The following FER1L6 variants were observed in gnomAD, a reference collection of about 807,000 sequenced individuals.
FER1L6 encodes the protein fer-1 like family member 6.
FER1L6 carries 177 observed loss-of-function variants against 219.2 expected under a neutral mutation model. The ratio of observed to expected loss-of-function variants is 0.81; its 90% CI spans 0.71 to 0.91. FER1L6 has a LOEUF of 0.91. Among genes scored for constraint, FER1L6 ranks in the 40% least tolerant of loss-of-function variants. The pLI, the probability that FER1L6 is intolerant of heterozygous loss-of-function variation, is 0.00. For synonymous variants in FER1L6, 768 were observed against 824.3 expected (o/e 0.93, Z 1.17); for missense variants, 2,153 against 2,259.9 (o/e 0.95, Z 0.96).
chr8:123,985,227 T>A (rs2130367295), intron 11 of FER1L6: 1 of 152,284 alleles, frequency 6.6e-6, no homozygotes, highest in African/African-American at 2.4e-5. Flanking sequence ...GAGCATTAGT[T>A]TATTCAGGTA....
At chr8:124,032,729 T>C (rs996816148) in intron 18 of FER1L6, among the ~76,000 whole-genome samples, 1 of 145,802 alleles carries the variant, frequency 6.9e-6, no homozygotes, top group African/African-American at 2.6e-5. Context: ...TGACAGAGCG[T>C]GATTCTATGG....
chr8:123,931,286 G>A (rs2129919488), intron 1 of FER1L6, among the ~76,000 whole-genome samples: 1 of 152,272 alleles, frequency 6.6e-6, no homozygotes, highest in South Asian at 2.1e-4. Context: ...CCCAGCCTGA[G>A]CTTCTTCCAC....
At chr8:123,973,600 G>C in intron 7 of FER1L6, 88 bp downstream of exon 7, 2 of 963,554 alleles carry the variant, frequency 2.1e-6, no homozygotes, top group South Asian at 2.6e-5. Context: ...TCACCTGTGT[G>C]ACCATTCATT....
intron 18 of FER1L6, among the ~76,000 whole-genome samples, chr8:124,030,268 C>A (rs1175101721): frequency 6.6e-6 from 1 of 152,156 alleles, no homozygotes; most frequent in Non-Finnish European, 1.5e-5. Context: ...AAACAAAGTG[C>A]CTCATCTGTA....
intron 1 of FER1L6, among the ~76,000 whole-genome samples, chr8:123,938,975 C>G (rs79669143): frequency 6.6e-6 from 1 of 152,186 alleles, no homozygotes; most frequent in African/African-American, 2.4e-5. Flanking sequence ...GTACACTGTT[C>G]GAGGGTTGCC....
chr8:124,019,018 T>C (rs1471862684), intron 16 of FER1L6, among the ~76,000 whole-genome samples: 2 of 152,236 alleles, frequency 1.3e-5, no homozygotes, highest in African/African-American at 4.8e-5. Context: ...AGTCTTCCTC[T>C]AATCCATCTT....
At chr8:123,933,368 ATATGTGTGTC>A (rs201057043) in intron 1 of FER1L6, among the ~76,000 whole-genome samples, 4,381 of 137,564 alleles carry the variant, frequency 0.032, 101 homozygotes, top group Non-Finnish European at 0.051. Flanking sequence ...CTATCATAGC[ATATGTGTGTC>A]TGTGTGTGTG....
chr8:124,085,669 G>T (rs1190218288), intron 33 of FER1L6, among the ~76,000 whole-genome samples: 1 of 152,182 alleles, frequency 6.6e-6, no homozygotes, highest in African/African-American at 2.4e-5. Context: ...AATGTTCCAT[G>T]TGCTAAGGAG....
At chr8:124,108,997 T>C (rs933990420) in intron 39 of FER1L6, among the ~76,000 whole-genome samples, 4 of 152,192 alleles carry the variant, frequency 2.6e-5, no homozygotes, top group African/African-American at 9.6e-5. Context: ...ATGATGAATT[T>C]TCACAGGAGA....
chr8:123,955,786 CG>C (rs1385385736), intron 1 of FER1L6, among the ~76,000 whole-genome samples: 1 of 152,082 alleles, frequency 6.6e-6, no homozygotes, highest in Non-Finnish European at 1.5e-5. Flanking sequence ...GATTCCAATT[CG>C]GGTGGGATTT....
At chr8:124,022,635 T>C (rs545179981) in intron 17 of FER1L6, among the ~76,000 whole-genome samples, 1 of 152,360 alleles carries the variant, frequency 6.6e-6, no homozygotes, top group East Asian at 1.9e-4. Flanking sequence ...CTTGTAGAAA[T>C]ACTTGCCTAA....
chr8:124,050,677 G>A (rs1019336548), intron 22 of FER1L6, among the ~76,000 whole-genome samples: 1 of 152,048 alleles, frequency 6.6e-6, no homozygotes, highest in Non-Finnish European at 1.5e-5. Context: ...CAGTTCTGGA[G>A]GCTGGGAAGT....
chr8:124,034,669 G>A (rs1819121965), intron 18 of FER1L6, among the ~76,000 whole-genome samples: 1 of 152,252 alleles, frequency 6.6e-6, no homozygotes, highest in Non-Finnish European at 1.5e-5. Flanking sequence ...TGTTTAGCCA[G>A]GAGGAAAGTG....
intron 39 of FER1L6, among the ~76,000 whole-genome samples, chr8:124,116,542 A>T (rs1355796959): frequency 6.6e-6 from 1 of 152,206 alleles, no homozygotes; most frequent in East Asian, 1.9e-4. Flanking sequence ...ATAGCCAAAA[A>T]GGGCATGCAT....
intron 1 of FER1L6, among the ~76,000 whole-genome samples, chr8:123,947,315 G>A (rs1251701874): frequency 6.6e-6 from 1 of 152,028 alleles, no homozygotes; most frequent in Non-Finnish European, 1.5e-5. Context: ...GTGATTTTAA[G>A]AAATGGATGG....
chr8:124,036,597 T>C (rs968177823), intron 19 of FER1L6, among the ~76,000 whole-genome samples: 3 of 152,192 alleles, frequency 2.0e-5, no homozygotes, highest in Non-Finnish European at 2.9e-5. Context: ...TCTTCCACCA[T>C]ACCTTGAGAG....
intron 12 of FER1L6, among the ~76,000 whole-genome samples, chr8:123,998,408 C>G (rs916082083): frequency 9.4e-5 from 14 of 148,214 alleles, no homozygotes; most frequent in African/African-American, 3.1e-4. Context: ...CTCTCTCTCT[C>G]TCTCTCTCTC....
chr8:123,899,811 T>C (rs1812825424), intron 1 of FER1L6, among the ~76,000 whole-genome samples: 1 of 152,160 alleles, frequency 6.6e-6, no homozygotes, highest in Admixed American at 6.5e-5. Context: ...GCTGCAAGTA[T>C]TTGGGTTTAT....
chr8:123,949,825 C>T (rs1454266844), intron 1 of FER1L6, among the ~76,000 whole-genome samples: 3 of 152,074 alleles, frequency 2.0e-5, no homozygotes, highest in Non-Finnish European at 4.4e-5. Context: ...AACATGATGC[C>T]GTACTCTAAT....
Sources: gnomAD v4.1 joint callset for allele counts (sites outside exome capture counted in the v4.1 genomes callset) on GRCh38, gnomAD v4.1.1 for gene constraint, MANE v1.5 for transcripts, NCBI Gene and HGNC (gene_info 2026-07-23, HGNC 2026-07-21) for gene names.